ZNF814: variants seen among roughly 807,000 people sequenced by gnomAD.
ZNF814 encodes the protein zinc finger protein 814.
Under a neutral mutation model 7.5 loss-of-function variants are expected in ZNF814, and 5 were observed. That is an observed-to-expected ratio of 0.67 (90% CI 0.35 to 1.40). The LOEUF (loss-of-function observed/expected upper bound fraction) is 1.40, where lower values mean the gene tolerates loss of function less well. Among genes scored for constraint, ZNF814 ranks in the 40% most tolerant of loss-of-function variants. ZNF814 has a pLI of 0.04. For synonymous variants in ZNF814, 315 were observed against 340.7 expected, an observed-to-expected ratio of 0.92 and a Z score of 0.83; for missense variants, 962 against 1,018.0, an observed-to-expected ratio of 0.94 and a Z score of 0.75.
chr19:57,888,677 C>T, intron 1 of ZNF814, 90 bp downstream of exon 1: 1 of 1,492,724 alleles, frequency 6.7e-7, no homozygotes, highest in Non-Finnish European at 9.1e-7. Flanking sequence ...CGCCGGCGTC[C>T]GGGCTGCAGA....
chr19:57,880,357 C>A (rs1239348888), intron 1 of ZNF814, among the ~76,000 whole-genome samples: 22 of 139,424 alleles, frequency 1.6e-4, no homozygotes, highest in Non-Finnish European at 3.2e-4. Flanking sequence ...AACATCACCT[C>A]CCCACTCTGA....
Position 57,873,135 on chromosome 19 carries a change from G to T in ZNF814, c.2255C>A (p.Ser752Ter). ...RPYECNDCGK[S>*]FTHSSTFCVH... is the part of the protein sequence containing the mutation. ...ACAGAATGTAGAGCTGTGGGTAAAT[G>T]ATTTTCCACAATCATTGCATTCATA... The change falls in exon 3 of 3, where the codon TCA becomes TAA. Residue 752 changes from serine (S) to a stop codon, truncating the protein, a stop_gained. Coordinates refer to ENST00000435989, the MANE Select transcript of ZNF814 (RefSeq NM_001144989.2). LOFTEE classifies it low-confidence loss of function (END_TRUNC). 6.2e-7 allele frequency: 1 copy of T among 1,613,528 alleles called. No individual in the cohort carries two copies. Among genetic ancestry groups the T allele is most frequent in the Non-Finnish European group, 8.5e-7 (1 of 1,179,850 alleles).
intron 1 of ZNF814, among the ~76,000 whole-genome samples, chr19:57,878,786 G>C (rs898320479): frequency 1.3e-5 from 2 of 152,074 alleles, no homozygotes; most frequent in Non-Finnish European, 2.9e-5. Context: ...GTGTGAAGTG[G>C]CCAGTCATGG....
At chr19:57,898,267 G>A in the ZNF814 span, among the ~76,000 whole-genome samples, 1 of 152,160 alleles carries the variant, frequency 6.6e-6, no homozygotes, top group Non-Finnish European at 1.5e-5. Context: ...TCAATTTATG[G>A]GGAAGGGGCA....
At chr19:57,887,997 C>G (rs770641402) in intron 1 of ZNF814, among the ~76,000 whole-genome samples, 1 of 152,168 alleles carries the variant, frequency 6.6e-6, no homozygotes, top group African/African-American at 2.4e-5. Context: ...TTAAGCTCCC[C>G]TCCCCTTCCT....
At position 57,873,626 on chromosome 19, in the gene ZNF814, G is replaced by T. The variant is rs562476717; in HGVS notation, c.1764C>A (p.Ile588=). 1 of 1,611,312 alleles carries T rather than the reference G, an allele frequency of 6.2e-7. No individual in the cohort carries two copies. The highest frequency in any genetic ancestry group is 1.1e-5 in the South Asian group (1 of 90,910). ...CGECGKSFSS[I]GHLRSHQRVH... ...CGCGCTGATGGCTCCTAAGGTGCCC[G>T]ATTGAACTAAAAGATTTCCCACATT... The change falls in exon 3 of 3, where the codon ATC becomes ATA. Residue 588 remains isoleucine, a synonymous_variant. Transcript: ENST00000435989.
chr19:57,899,647 G>A, the ZNF814 span, among the ~76,000 whole-genome samples: 1 of 152,192 alleles, frequency 6.6e-6, no homozygotes, highest in Non-Finnish European at 1.5e-5. Context: ...AGAGGCATTA[G>A]GGGAACTTCA....
At position 57,874,327 on chromosome 19, in the gene ZNF814, C is replaced by T. The variant is rs1165239245; in HGVS notation, c.1063G>A (p.Gly355Arg). Reference protein sequence around the residue: ...VHTEKKHYECGECGKSFSKYV... With the variant: ...VHTEKKHYECRECGKSFSKYV... ...TTGCTAAAGGATTTCCCACATTCTC[C>T]ACATTCATAATGTTTTTTTTCAGTG... Residue 355 changes from glycine (G) to arginine (R), a missense_variant, in exon 3 of 3, where the codon GGA becomes AGA. This residue lies in a region of ZNF814 where 30 missense variants were observed against 97.6 expected (regional missense o/e 0.31). Transcript: ENST00000435989. 23 of 1,607,022 alleles carry T rather than the reference C, an allele frequency of 1.4e-5. No homozygotes were observed. The Middle Eastern group carries it at 1.2e-3, about 81-fold the overall frequency.
In ZNF814 at chr19:57,874,773, G is replaced by C; in HGVS notation, c.617C>G (p.Pro206Arg). Residue 206 changes from proline (P) to arginine (R), a missense_variant, in exon 3 of 3, where the codon CCC becomes CGC. By Grantham distance (103) the Pro-to-Arg change is moderately radical. This residue lies in a region of ZNF814 where 126 missense variants were observed against 123.5 expected (regional missense o/e 1.02). Transcript: ENST00000435989. ...KSNSKTECVS[P>R]IQCGGAHYSC... Reference sequence around the variant, plus strand: ...GTAGTGAGCTCCCCCACACTGAATGGGAGACACACACTCAGTTTTGCTGTT... The same window carrying C: ...GTAGTGAGCTCCCCCACACTGAATGCGAGACACACACTCAGTTTTGCTGTT... 6.2e-7 allele frequency: 1 copy of C among 1,613,978 alleles called. No homozygotes were observed. The highest frequency in any genetic ancestry group is 8.5e-7 in the Non-Finnish European group (1 of 1,179,956).
At chr19:57,878,914 C>T (rs1211099946) in intron 1 of ZNF814, among the ~76,000 whole-genome samples, 1 of 151,942 alleles carries the variant, frequency 6.6e-6, no homozygotes, top group South Asian at 2.1e-4. Context: ...TACATGCACA[C>T]ACACACACGC....
intron 1 of ZNF814, among the ~76,000 whole-genome samples, chr19:57,885,361 T>C (rs899213233): frequency 4.1e-5 from 6 of 147,396 alleles, no homozygotes; most frequent in Admixed American, 1.4e-4. Flanking sequence ...GGCGCGGTGG[T>C]GGCTCACACC....
At chr19:57,903,018 T>G in the ZNF814 span, among the ~76,000 whole-genome samples, 1 of 152,110 alleles carries the variant, frequency 6.6e-6, no homozygotes, top group East Asian at 1.9e-4. Context: ...TTTTATCACC[T>G]GCCAGGAATG....
At chr19:57,875,504 A>C (rs191008238) in intron 2 of ZNF814, among the ~76,000 whole-genome samples, 3 of 152,382 alleles carry the variant, frequency 2.0e-5, no homozygotes, top group African/African-American at 7.2e-5. Context: ...ACTCATCTGC[A>C]GAATTTATGT....
At chr19:57,877,931 G>A (rs1374895434) in intron 1 of ZNF814, among the ~76,000 whole-genome samples, 2 of 152,020 alleles carry the variant, frequency 1.3e-5, no homozygotes, top group East Asian at 1.9e-4. Context: ...TTCAGAGGCC[G>A]AGCCAGGTGG....
upstream of ZNF814, among the ~76,000 whole-genome samples, chr19:57,893,276 C>T (rs1436972516): frequency 2.0e-5 from 3 of 149,432 alleles, no homozygotes; most frequent in African/African-American, 4.9e-5. Flanking sequence ...TGGGTTCAAA[C>T]GATTCTCTTG....
chr19:57,886,918 T>C (rs1399756244), intron 1 of ZNF814, among the ~76,000 whole-genome samples: 1 of 151,986 alleles, frequency 6.6e-6, no homozygotes, highest in African/African-American at 2.4e-5. Flanking sequence ...CTGAGTGTGG[T>C]GGCTTATGCC....
At chr19:57,895,068 AGATT>A in the ZNF814 span, among the ~76,000 whole-genome samples, 5 of 152,236 alleles carry the variant, frequency 3.3e-5, no homozygotes, top group African/African-American at 1.2e-4. Flanking sequence ...AGCAACCAAG[AGATT>A]GATTCATACA....
chr19:57,873,070 A>G lies in ZNF814; in HGVS notation c.2320T>C (p.Cys774Arg). The G allele has an allele frequency of 6.2e-7, 1 of 1,613,862 alleles. No homozygotes were observed. The highest frequency in any genetic ancestry group is 8.5e-7 in the Non-Finnish European group (1 of 1,179,950). The change falls in exon 3 of 3, where the codon TGC (cysteine) becomes CGC (arginine). Residue 774 changes from cysteine to arginine, a missense_variant. Physicochemically the swap from Cys to Arg is radical, Grantham distance 180. Around this residue, in one of 7 missense-constraint regions of ZNF814, gnomAD observed 665 missense variants for 551.4 expected, o/e 1.21. Transcript: ENST00000435989. Reference protein sequence around the residue: ...RIHTGEKPYECSECGKSFAES... With the variant: ...RIHTGEKPYERSECGKSFAES... ...GCGAAAGATTTTCCACATTCACTGC[A>G]CTCATAAGGCTTTTCTCCAGTGTGA...
intron 1 of ZNF814, among the ~76,000 whole-genome samples, chr19:57,880,465 C>A (rs1323561950): frequency 6.6e-6 from 1 of 151,446 alleles, no homozygotes. Context: ...TACCTCCATA[C>A]CACCTGCGTT....
Sources: gnomAD v4.1 joint callset for allele counts (sites outside exome capture counted in the v4.1 genomes callset) on GRCh38, gnomAD v4.1.1 for gene constraint, gnomAD v4.1.1 regional missense constraint, MANE v1.5 for transcripts, NCBI Gene and HGNC (gene_info 2026-07-23, HGNC 2026-07-21) for gene names.